Variants in NBEA observed in about 807,000 individuals in gnomAD.
NBEA encodes neurobeachin, also known as lysosomal-trafficking regulator 2.
A neutral mutation model predicts 343.4 loss-of-function variants in NBEA; 44 were observed. That is an observed-to-expected ratio of 0.13 (90% CI 0.10 to 0.16). The LOEUF (loss-of-function observed/expected upper bound fraction) is 0.16, where lower values mean the gene tolerates loss of function less well. NBEA is among the 10% of genes least tolerant of loss of function. NBEA has a pLI of 1.00. For synonymous variants in NBEA, 1,175 were observed against 1,238.7 expected (o/e 0.95, Z 1.08); for missense variants, 2,555 against 3,631.3 (o/e 0.70, Z 7.62).
intron 38 of NBEA, among the ~76,000 whole-genome samples, chr13:35,390,193 G>A (rs1320680825): frequency 6.6e-6 from 1 of 151,836 alleles, no homozygotes; most frequent in Non-Finnish European, 1.5e-5. Context: ...TCCCAGTGCA[G>A]TAAATACCCA....
intron 36 of NBEA, among the ~76,000 whole-genome samples, chr13:35,337,159 G>A (rs375252233): frequency 1.3e-5 from 2 of 152,030 alleles, no homozygotes; most frequent in African/African-American, 4.8e-5. Flanking sequence ...CTTTCTTATC[G>A]ATAAATCAGT....
chr13:35,144,263 TG>T (rs1354388962), intron 18 of NBEA, among the ~76,000 whole-genome samples: 2 of 152,178 alleles, frequency 1.3e-5, no homozygotes, highest in Admixed American at 1.3e-4. Flanking sequence ...AACCAAGGGA[TG>T]GATGGAATAT....
chr13:35,352,432 A>G, intron 38 of NBEA, 109 bp downstream of exon 38: 1 of 617,298 alleles, frequency 1.6e-6, no homozygotes. Flanking sequence ...ATAATTTAAA[A>G]TATAAAAAAT....
intron 1 of NBEA, among the ~76,000 whole-genome samples, chr13:34,948,815 T>A (rs1430322893): frequency 6.6e-6 from 1 of 152,092 alleles, no homozygotes; most frequent in Non-Finnish European, 1.5e-5. Flanking sequence ...CTTTTTGGGG[T>A]CTTTGATACA....
chr13:35,345,444 A>T (rs1011058668), intron 36 of NBEA, among the ~76,000 whole-genome samples: 1 of 152,078 alleles, frequency 6.6e-6, no homozygotes, highest in African/African-American at 2.4e-5. Flanking sequence ...ATTTACATAT[A>T]CTATTATTTT....
chr13:35,234,077 A>G (rs1299979146), intron 34 of NBEA, among the ~76,000 whole-genome samples: 1 of 152,162 alleles, frequency 6.6e-6, no homozygotes, highest in African/African-American at 2.4e-5. Context: ...TGATCTACCA[A>G]CAGCAAAAAT....
intron 38 of NBEA, among the ~76,000 whole-genome samples, chr13:35,361,214 C>A (rs1306014044): frequency 6.6e-6 from 1 of 151,942 alleles, no homozygotes; most frequent in African/African-American, 2.4e-5. Context: ...ACCCAGAATT[C>A]AGCATTCAGC....
intron 5 of NBEA, among the ~76,000 whole-genome samples, chr13:35,049,330 A>G (rs998523753): frequency 2.9e-4 from 44 of 151,956 alleles, no homozygotes; most frequent in African/African-American, 9.1e-4. Context: ...AATACTTGCA[A>G]TACTCTGTAA....
At position 35,115,700 on chromosome 13, in the gene NBEA, A is replaced by G. The variant is rs570118838; in HGVS notation, c.2003-1714A>G. On this transcript the variant is annotated intron_variant, in intron 13 of 58. Coordinates refer to ENST00000379939, the MANE Select transcript of NBEA (RefSeq NM_001385012.1). ...TCATGCACAAAGCACACAAATATGT[A>G]TATATTTCTTTGCAACATGCTGTTT... Among the ~76,000 whole-genome samples, 5 of 152,340 alleles carry G rather than the reference A, an allele frequency of 3.3e-5. No individual in the cohort carries two copies. The East Asian group carries it at 9.6e-4, about 29-fold the overall frequency.
At chr13:35,376,228 T>C (rs1207069858) in intron 38 of NBEA, among the ~76,000 whole-genome samples, 2 of 152,168 alleles carry the variant, frequency 1.3e-5, no homozygotes, top group Non-Finnish European at 1.5e-5. Context: ...TTGCACATTA[T>C]GAAGTTGCTG....
At position 35,550,579 on chromosome 13, in the gene NBEA, T is replaced by C. The variant is rs1482376368; in HGVS notation, c.6688T>C (p.Phe2230Leu). 1 of 1,609,606 alleles carries C rather than the reference T, an allele frequency of 6.2e-7. No homozygotes were observed. Among genetic ancestry groups the C allele is most frequent in the Admixed American group, 1.7e-5 (1 of 59,868 alleles). Residue 2230 changes from phenylalanine to leucine, a missense_variant, in exon 42 of 59, where the codon TTT becomes CTT. Phe to Leu is a conservative substitution (Grantham distance 22). Transcript: ENST00000379939. Reference sequence around the variant, plus strand: ...TCTACAAAACACTGCTTTGGAAGTATTTATGGCAAACCGAAGTAAGTCCCC... The same window carrying C: ...TCTACAAAACACTGCTTTGGAAGTACTTATGGCAAACCGAAGTAAGTCCCC... Reference protein sequence around the residue: ...YLLQNTALEVFMANRTSVMFN... With the variant: ...YLLQNTALEVLMANRTSVMFN...
chr13:35,133,257 T>G (rs989660790), intron 17 of NBEA, among the ~76,000 whole-genome samples: 1 of 152,096 alleles, frequency 6.6e-6, no homozygotes, highest in African/African-American at 2.4e-5. Context: ...ATGGGTGATA[T>G]ACTCAACTTC....
At chr13:34,946,821 A>G (rs2059198770) in intron 1 of NBEA, among the ~76,000 whole-genome samples, 1 of 142,414 alleles carries the variant, frequency 7.0e-6, no homozygotes, top group South Asian at 2.2e-4. Context: ...GGATCATGGT[A>G]TTTTTGTTAA....
chr13:35,032,860 T>C (rs575842792), intron 1 of NBEA, among the ~76,000 whole-genome samples: 2 of 152,018 alleles, frequency 1.3e-5, no homozygotes, highest in Non-Finnish European at 2.9e-5. Context: ...TATTAGATAT[T>C]TTCCTATAGA....
At chr13:35,367,736 T>G (rs2041204563) in intron 38 of NBEA, among the ~76,000 whole-genome samples, 1 of 151,484 alleles carries the variant, frequency 6.6e-6, no homozygotes, top group Non-Finnish European at 1.5e-5. Context: ...TAAATACATC[T>G]GGCTTTTGGA....
At chr13:35,534,009 A>G (rs188037990) in intron 41 of NBEA, among the ~76,000 whole-genome samples, 1 of 152,320 alleles carries the variant, frequency 6.6e-6, no homozygotes, top group Admixed American at 6.5e-5. Context: ...TTCACTGGTT[A>G]TCATTCCTTT....
At position 35,233,676 on chromosome 13, in the gene NBEA, A is replaced by G. The variant is rs149907024; in HGVS notation, c.5776+1057A>G. On this transcript the variant is annotated intron_variant, in intron 34 of 58. Transcript: ENST00000379939. ...CTGAGTTCCTTCTGGGCTAGGTACT[A>G]TGTTACATAGTTTTGATATATTAGT... 3.5e-4 allele frequency among the ~76,000 whole-genome samples: 53 copies of G among 152,286 alleles called. No individual in the cohort carries two copies. The East Asian group carries it at 7.7e-3, about 22-fold the overall frequency.
intron 10 of NBEA, among the ~76,000 whole-genome samples, chr13:35,091,923 T>G (rs2065101207): frequency 6.6e-6 from 1 of 151,976 alleles, no homozygotes; most frequent in Admixed American, 6.6e-5. Context: ...GTAGACAAGA[T>G]GAGTCTAAAA....
At chr13:34,999,442 G>C (rs1190394740) in intron 1 of NBEA, among the ~76,000 whole-genome samples, 1 of 151,988 alleles carries the variant, frequency 6.6e-6, no homozygotes, top group African/African-American at 2.4e-5. Context: ...CAAGTCCTCT[G>C]TACCTTATGA....
Sources: gnomAD v4.1 joint callset for allele counts (sites outside exome capture counted in the v4.1 genomes callset) on GRCh38, gnomAD v4.1.1 for gene constraint, MANE v1.5 for transcripts, NCBI Gene and HGNC (gene_info 2026-07-23, HGNC 2026-07-21) for gene names.